The following HIVEP3 variants were observed in gnomAD, a reference collection of about 807,000 sequenced individuals.
The protein encoded by HIVEP3 is HIVEP zinc finger 3.
A neutral mutation model predicts 152.8 loss-of-function variants in HIVEP3; 49 were observed. The ratio of observed to expected loss-of-function variants is 0.32; its 90% CI spans 0.26 to 0.41. The LOEUF is 0.41. Among genes scored for constraint, HIVEP3 ranks in the 10% least tolerant of loss-of-function variants. The probability of loss-of-function intolerance (pLI) is 1.00; values close to 1 mark genes in which losing one functional copy is unlikely to be tolerated. For synonymous variants in HIVEP3, 1,269 were observed against 1,289.0 expected, an observed-to-expected ratio of 0.98 and a Z score of 0.33; for missense variants, 2,790 against 3,103.3, an observed-to-expected ratio of 0.90 and a Z score of 2.40.
intron 1 of HIVEP3, among the ~76,000 whole-genome samples, chr1:41,732,857 G>A (rs7534463): frequency 0.23 from 35,117 of 152,030 alleles, 4,808 homozygotes; most frequent in East Asian, 0.4. Context: ...ACTGGGGGTC[G>A]GTAGGAGGGC....
intron 1 of HIVEP3, among the ~76,000 whole-genome samples, chr1:41,774,644 T>TA (rs1362411447): frequency 1.3e-5 from 2 of 152,178 alleles, no homozygotes; most frequent in African/African-American, 4.8e-5. Flanking sequence ...TCTTTCCCAA[T>TA]AAAAGGAGTT....
At chr1:41,869,847 A>G (rs1156995972) in intron 1 of HIVEP3, among the ~76,000 whole-genome samples, 1 of 152,222 alleles carries the variant, frequency 6.6e-6, no homozygotes, top group Non-Finnish European at 1.5e-5. Flanking sequence ...AAATTTTTGT[A>G]GAACAAAAGC....
intron 1 of HIVEP3, among the ~76,000 whole-genome samples, chr1:41,958,045 A>G (rs1055736178): frequency 1.3e-5 from 2 of 152,240 alleles, no homozygotes; most frequent in Non-Finnish European, 1.5e-5. Flanking sequence ...ACTATGAACT[A>G]GCTCTGAGAC....
In HIVEP3 at chr1:41,595,804, C is replaced by T. The variant is rs186788855; in HGVS notation, c.-521-10486G>A. 7.4e-3 allele frequency among the ~76,000 whole-genome samples: 1,126 copies of T among 152,292 alleles called. 9 individuals are homozygous for T. The highest frequency in any genetic ancestry group is 0.013 in the Non-Finnish European group (912 of 68,022). On this transcript the variant is annotated intron_variant, in intron 3 of 8. Transcript: ENST00000372583. ...GCTTAGCCTCCTGGCCTACATCTTT[C>T]TCCTGCACTGGATGCTTCCTGCCCT...
intron 5 of HIVEP3, chr1:41,535,716 C>T (rs1643381215): frequency 6.6e-6 from 1 of 152,078 alleles, no homozygotes; most frequent in Non-Finnish European, 1.5e-5. Context: ...AGAAAAAGAT[C>T]CTTAAACAAC....
intron 1 of HIVEP3, among the ~76,000 whole-genome samples, chr1:41,724,299 C>T (rs1646720419): frequency 6.6e-6 from 1 of 152,204 alleles, no homozygotes; most frequent in South Asian, 2.1e-4. Context: ...AGAATACTGT[C>T]CCTGGGATCC....
At chr1:41,558,975 G>T (rs780310458) in intron 5 of HIVEP3, among the ~76,000 whole-genome samples, 3 of 152,024 alleles carry the variant, frequency 2.0e-5, no homozygotes, top group Admixed American at 2.0e-4. Flanking sequence ...CTCCAAGACT[G>T]CTCTGTCTTC....
At chr1:41,551,381 T>A (rs1410203261) in intron 5 of HIVEP3, among the ~76,000 whole-genome samples, 1 of 152,124 alleles carries the variant, frequency 6.6e-6, no homozygotes, top group African/African-American at 2.4e-5. Flanking sequence ...ATCAGGATGA[T>A]GTTGGTCTCA....
chr1:41,707,365 T>C (rs1646450069), intron 1 of HIVEP3, among the ~76,000 whole-genome samples: 1 of 152,168 alleles, frequency 6.6e-6, no homozygotes, highest in African/African-American at 2.4e-5. Context: ...GATTTCGTTG[T>C]GAAAATTAAA....
rs78120246 is a variant in HIVEP3, at chr1:41,659,126, T to C, written c.-720-30179A>G. On this transcript the variant is annotated intron_variant, in intron 2 of 8. Transcript: ENST00000372583. ...AAGAATATCAGCAGCGAACTGCAAGTATGGCCTCTTCCTGGTCCCTAGCCC... is the reference window on the plus strand; with the variant it reads ...AAGAATATCAGCAGCGAACTGCAAGCATGGCCTCTTCCTGGTCCCTAGCCC... Among the ~76,000 whole-genome samples, 117 of 152,334 alleles carry C rather than the reference T, an allele frequency of 7.7e-4. 6 individuals are homozygous for C. In the East Asian group the frequency reaches 0.021, roughly 27 times the overall value.
intron 1 of HIVEP3, among the ~76,000 whole-genome samples, chr1:41,708,363 A>G (rs575332983): frequency 6.6e-6 from 1 of 151,922 alleles, no homozygotes; most frequent in African/African-American, 2.4e-5. Flanking sequence ...CTTTGGCAAT[A>G]GCATTCTGAT....
At chr1:41,563,115 A>C (rs1384214968) in intron 5 of HIVEP3, among the ~76,000 whole-genome samples, 3 of 151,994 alleles carry the variant, frequency 2.0e-5, no homozygotes, top group Non-Finnish European at 4.4e-5. Context: ...GGGAGGCTGA[A>C]GTGAGCGGAT....
intron 5 of HIVEP3, among the ~76,000 whole-genome samples, chr1:41,528,863 C>A (rs569341473): frequency 1.4e-5 from 2 of 139,820 alleles, no homozygotes; most frequent in Non-Finnish European, 1.6e-5. Context: ...CTCACCTTCA[C>A]ACACTCCACA....
At chr1:41,757,903 G>T (rs967582034) in intron 1 of HIVEP3, among the ~76,000 whole-genome samples, 7 of 152,034 alleles carry the variant, frequency 4.6e-5, no homozygotes, top group Non-Finnish European at 7.4e-5. Flanking sequence ...GTAGAGACAG[G>T]GTTTCTCCAC....
At chr1:41,721,446 T>C (rs1646673234) in intron 1 of HIVEP3, among the ~76,000 whole-genome samples, 1 of 152,186 alleles carries the variant, frequency 6.6e-6, no homozygotes, top group African/African-American at 2.4e-5. Flanking sequence ...CCTCAGGTGA[T>C]CCGCCCACCT....
intron 1 of HIVEP3, among the ~76,000 whole-genome samples, chr1:41,833,525 C>T (rs1196979481): frequency 6.6e-6 from 1 of 152,258 alleles, no homozygotes; most frequent in South Asian, 2.1e-4. Flanking sequence ...CACAAAGGCA[C>T]GAATGGTAGA....
rs1234122034 is a variant in HIVEP3, at chr1:41,584,337, G to A, written c.461C>T (p.Pro154Leu). The A allele has an allele frequency of 6.2e-7, 1 of 1,613,934 alleles. No individual in the cohort carries two copies. The change falls in exon 4 of 9, where the codon CCC (proline) becomes CTC (leucine). Residue 154 changes from proline to leucine, a missense_variant. Transcript: ENST00000372583. The surrounding 1 kb of genome is among the most constrained non-coding windows in gnomAD (Gnocchi z 5.2). ...LLPSHASIIP[P>L]EDLPGVPKVF... is the part of the protein sequence containing the mutation. ...TTTGGGGACTCCAGGAAGGTCCTCG[G>A]GGGGAATGATGGAAGCGTGGGAAGG... is the stretch of plus-strand genomic sequence containing the variant.
intron 1 of HIVEP3, among the ~76,000 whole-genome samples, chr1:41,814,743 G>A (rs1468482201): frequency 6.6e-6 from 1 of 152,190 alleles, no homozygotes; most frequent in Non-Finnish European, 1.5e-5. Context: ...AAATATTTAT[G>A]TTTCCATTCC....
chr1:42,026,191 G>A (rs763609889), intron 1 of HIVEP3, among the ~76,000 whole-genome samples: 1 of 152,120 alleles, frequency 6.6e-6, no homozygotes, highest in Non-Finnish European at 1.5e-5. Flanking sequence ...AGGGTAGAGA[G>A]AACTAGTTTT....
Sources: allele counts gnomAD v4.1 joint callset (sites outside exome capture counted in the v4.1 genomes callset), GRCh38; gene constraint gnomAD v4.1.1; non-coding constraint Gnocchi (gnomAD v3.1); transcripts MANE v1.5; gene names NCBI Gene and HGNC (gene_info 2026-07-23, HGNC 2026-07-21).